HSPG2: variants seen among roughly 807,000 people sequenced by gnomAD.
HSPG2 encodes basement membrane-specific heparan sulfate proteoglycan core protein.
A neutral mutation model predicts 526.6 loss-of-function variants in HSPG2; 278 were observed. The observed-to-expected ratio is 0.53, with a 90% confidence interval of 0.48 to 0.58. The LOEUF (loss-of-function observed/expected upper bound fraction) is 0.58. Ranked by LOEUF, HSPG2 falls within the 20% of genes least tolerant of loss-of-function variation. The pLI, the probability that HSPG2 is intolerant of heterozygous loss-of-function variation, is 0.00. For synonymous variants in HSPG2, 2,465 were observed against 2,555.4 expected, an observed-to-expected ratio of 0.96 and a Z score of 1.07; for missense variants, 5,354 against 6,099.5, an observed-to-expected ratio of 0.88 and a Z score of 4.07.
chr1:21,921,852 G>A (rs972271445), intron 1 of HSPG2, among the ~76,000 whole-genome samples: 2 of 152,182 alleles, frequency 1.3e-5, no homozygotes, highest in Non-Finnish European at 2.9e-5. Context: ...GAAGGTCCCT[G>A]AGAGCATTTA....
intron 1 of HSPG2, among the ~76,000 whole-genome samples, chr1:21,922,937 G>A (rs1644083469): frequency 6.6e-6 from 1 of 152,088 alleles, no homozygotes; most frequent in Non-Finnish European, 1.5e-5. Flanking sequence ...ATCCAGGCTT[G>A]AGCTGATGTT....
At chr1:21,899,832 G>A (rs969995828) in intron 1 of HSPG2, among the ~76,000 whole-genome samples, 3 of 152,198 alleles carry the variant, frequency 2.0e-5, no homozygotes, top group Admixed American at 6.5e-5. Flanking sequence ...CCCACCCCAA[G>A]CCTTCTGCTC....
chr1:21,920,648 C>T (rs1644011837), intron 1 of HSPG2, among the ~76,000 whole-genome samples: 1 of 152,234 alleles, frequency 6.6e-6, no homozygotes. Context: ...TTCACACATT[C>T]CTGTTGGAGC....
chr1:21,884,476 C>G (rs1641727572), intron 13 of HSPG2, 52 bp downstream of exon 13: 2 of 1,608,886 alleles, frequency 1.2e-6, no homozygotes, highest in Non-Finnish European at 1.7e-6. Flanking sequence ...CCCCTGGGTA[C>G]AGAGGTACCC....
chr1:21,925,952 C>A (rs1644179180), intron 1 of HSPG2, among the ~76,000 whole-genome samples: 1 of 152,002 alleles, frequency 6.6e-6, no homozygotes, highest in South Asian at 2.1e-4. Context: ...GCCTTAGCCT[C>A]CCAAGCAGCT....
chr1:21,878,540 G>A lies in HSPG2; in HGVS notation c.2558+37C>T, dbSNP rs761801645. The A allele has an allele frequency of 4.3e-6, 7 of 1,613,802 alleles. No homozygotes were observed. The Admixed American group carries it at 1.2e-4, about 27-fold the overall frequency. On this transcript the variant is annotated intron_variant, in intron 19 of 96. Coordinates refer to ENST00000374695, the MANE Select transcript of HSPG2 (RefSeq NM_005529.7). ...TCAGCACTTCCATGACCCCACCCAGGAGCCCCCTTCCTGCAGCCCCCAAGG... is the reference window on the plus strand; with the variant it reads ...TCAGCACTTCCATGACCCCACCCAGAAGCCCCCTTCCTGCAGCCCCCAAGG...
chr1:21,857,558 C>T (rs1297459280), intron 42 of HSPG2, among the ~76,000 whole-genome samples, 173 bp from the exon 43 acceptor site: 2 of 152,100 alleles, frequency 1.3e-5, no homozygotes, highest in Admixed American at 6.5e-5. Context: ...ACCATCCCCA[C>T]CCTCCTTGCC....
chr1:21,850,279 C>G (rs1490793878), intron 56 of HSPG2, 84 bp downstream of exon 56: 57 of 1,609,870 alleles, frequency 3.5e-5, no homozygotes, highest in Non-Finnish European at 4.6e-5. Context: ...CAGTCTGCGG[C>G]TTGGCCTCCT....
At chr1:21,875,419 C>T (rs1262164596) in intron 25 of HSPG2, among the ~76,000 whole-genome samples, 1 of 152,136 alleles carries the variant, frequency 6.6e-6, no homozygotes, top group Non-Finnish European at 1.5e-5. Flanking sequence ...GAATCACATG[C>T]ACCCCAATCC....
intron 1 of HSPG2, among the ~76,000 whole-genome samples, chr1:21,926,460 G>A (rs1000185751): frequency 2.0e-5 from 3 of 152,230 alleles, no homozygotes; most frequent in East Asian, 3.9e-4. Context: ...AGCCGTGAAA[G>A]TGATAGAGGC....
rs1638618741 is a variant in HSPG2, at chr1:21,848,397, C to T, written c.7737+246G>A. 6.6e-6 allele frequency among the ~76,000 whole-genome samples: 1 copy of T among 152,196 alleles called. No homozygotes were observed. The highest frequency in any genetic ancestry group is 6.5e-5 in the Admixed American group (1 of 15,286). On this transcript the variant is annotated intron_variant, in intron 59 of 96. Coordinates refer to ENST00000374695, the MANE Select transcript of HSPG2 (RefSeq NM_005529.7). This position sits in a 1 kb window ranked among gnomAD's most constrained non-coding sequence, Gnocchi z 4.9. ...ACTGTCTCATTCCATCTGGAATCTT[C>T]AGTGTCAGGCACAGGACATGGCCCG...
At chr1:21,882,320 A>C (rs1234381160) in intron 13 of HSPG2, among the ~76,000 whole-genome samples, 1 of 152,052 alleles carries the variant, frequency 6.6e-6, no homozygotes, top group Non-Finnish European at 1.5e-5. Context: ...ATAAGCTAAA[A>C]TGAGCACATT....
chr1:21,839,675 C>T lies in HSPG2; in HGVS notation c.9710-125G>A, dbSNP rs984231585. The T allele has an allele frequency of 4.6e-5, 64 of 1,392,214 alleles. No individual in the cohort carries two copies. The East Asian group carries it at 7.6e-4, about 17-fold the overall frequency. 86.2% of individuals were successfully genotyped at this position (1,392,214 alleles called of 1,614,324 possible). A position where few individuals can be genotyped will look rare whatever the true frequency, so the allele number is the denominator to read the frequency against. On this transcript the variant is annotated intron_variant, in intron 72 of 96. Transcript: ENST00000374695. This position sits in a 1 kb window ranked among gnomAD's most constrained non-coding sequence, Gnocchi z 4.5. ...CTATGGGGACCCCAGTTGGGTTCCT[C>T]GGCCATCACTGGGGGATGCTAGCAA...
At chr1:21,856,015 A>C in intron 44 of HSPG2, 103 bp from the exon 45 acceptor site, 1 of 1,496,804 alleles carries the variant, frequency 6.7e-7, no homozygotes, top group Non-Finnish European at 9.0e-7. Context: ...CTAGCCCTCC[A>C]CGGCCATCTG....
Position 21,859,068 on chromosome 1 carries a change from G to C in HSPG2, c.5293+498C>G, listed in dbSNP as rs1226106147. On this transcript the variant is annotated intron_variant, in intron 42 of 96. Coordinates refer to ENST00000374695, the MANE Select transcript of HSPG2 (RefSeq NM_005529.7). This position sits in a 1 kb window ranked among gnomAD's most constrained non-coding sequence, Gnocchi z 5.3. ...TGCATTATTATTATTATTTTTTTAA[G>C]ACAGAGTCTTGCTCTGTTGCCCAGG... Among the ~76,000 whole-genome samples the C allele has an allele frequency of 6.6e-6, 1 of 151,976 alleles. No individual in the cohort carries two copies. The highest frequency in any genetic ancestry group is 2.4e-5 in the African/African-American group (1 of 41,378).
chr1:21,832,325 C>T (rs551043722), intron 81 of HSPG2, among the ~76,000 whole-genome samples, 170 bp downstream of exon 81: 2 of 152,356 alleles, frequency 1.3e-5, no homozygotes, highest in East Asian at 3.9e-4. Context: ...CCCTCCTCCA[C>T]CTGACTGGCA....
Position 21,865,602 on chromosome 1 carries a change from C to T in HSPG2, c.4314+115G>A. 1 of 993,546 alleles carries T rather than the reference C, an allele frequency of 1.0e-6. No individual in the cohort carries two copies. The highest frequency in any genetic ancestry group is 1.3e-5 in the South Asian group (1 of 78,352). The allele number at this position is 993,546 out of a possible 1,614,324, so 61.5% of individuals were successfully genotyped here. A position where few individuals can be genotyped will look rare whatever the true frequency, so the allele number is the denominator to read the frequency against. On this transcript the variant is annotated intron_variant, in intron 34 of 96. Transcript: ENST00000374695. The surrounding 1 kb of genome is among the most constrained non-coding windows in gnomAD (Gnocchi z 5.4). ...TGTGGGGGCATGGGCCTAACTCCCC[C>T]AGCCTGTGCCAGAAAACTGAGTGCT...
chr1:21,872,475 G>T lies in HSPG2; in HGVS notation c.4030-98C>A. 7.1e-7 allele frequency: 1 copy of T among 1,411,768 alleles called. No homozygotes were observed. The highest frequency in any genetic ancestry group is 9.8e-7 in the Non-Finnish European group (1 of 1,022,696). The allele number at this position is 1,411,768 out of a possible 1,614,324, so 87.5% of individuals were successfully genotyped here. ...GTGTTAAGGTGCGGAATGGGGTCCTGTTGAGATCAGGACTGCGAGAGAAAT... is the reference window on the plus strand; with the variant it reads ...GTGTTAAGGTGCGGAATGGGGTCCTTTTGAGATCAGGACTGCGAGAGAAAT... On this transcript the variant is annotated intron_variant, in intron 32 of 96. Coordinates refer to ENST00000374695, the MANE Select transcript of HSPG2 (RefSeq NM_005529.7). The surrounding 1 kb of genome is among the most constrained non-coding windows in gnomAD (Gnocchi z 5.5).
At chr1:21,925,337 G>A (rs1435940746) in intron 1 of HSPG2, among the ~76,000 whole-genome samples, 4 of 152,168 alleles carry the variant, frequency 2.6e-5, no homozygotes, top group African/African-American at 4.8e-5. Context: ...AACACAACGC[G>A]GGACCTGGAT....
Sources: allele counts gnomAD v4.1 joint callset (sites outside exome capture counted in the v4.1 genomes callset), GRCh38; gene constraint gnomAD v4.1.1; non-coding constraint Gnocchi (gnomAD v3.1); transcripts MANE v1.5; gene names NCBI Gene and HGNC (gene_info 2026-07-23, HGNC 2026-07-21).